MALSU1: variants seen among roughly 807,000 people sequenced by gnomAD.
MALSU1 encodes mitochondrial assembly of ribosomal large subunit protein 1.
Under a neutral mutation model 22.1 loss-of-function variants are expected in MALSU1, and 22 were observed. The observed-to-expected ratio is 1.00, with a 90% confidence interval of 0.71 to 1.42. The LOEUF is 1.42. Ranked by LOEUF, MALSU1 falls within the 40% of genes most tolerant of loss-of-function variation. The pLI, the probability that MALSU1 is intolerant of heterozygous loss-of-function variation, is 0.00. For missense variants in MALSU1, 379 were observed against 308.3 expected (o/e 1.23, Z -1.72); for synonymous variants, 153 against 118.5 (o/e 1.29, Z -1.89).
intron 3 of MALSU1, 104 bp downstream of exon 3, chr7:23,308,053 C>T: frequency 2.1e-6 from 2 of 941,564 alleles, no homozygotes; most frequent in South Asian, 1.4e-5. Context: ...AATGTATTTC[C>T]AGGTAAGATT....
At chr7:23,303,260 T>C (rs189136526) in intron 2 of MALSU1, among the ~76,000 whole-genome samples, 2 of 152,218 alleles carry the variant, frequency 1.3e-5, no homozygotes, top group Non-Finnish European at 2.9e-5. Context: ...TTGACTACTT[T>C]TCAGTATCTC....
In MALSU1 at chr7:23,310,869, A is replaced by G. The variant is rs1380723044; in HGVS notation, c.*1326A>G. On this transcript the variant is annotated 3_prime_UTR_variant, in exon 4 of 4. Transcript: ENST00000466681. ...GATCATCTTACAAACAAAACTCAAA[A>G]AATCAATTCAGAGAGCAGCGTGGCC... The G allele has an allele frequency of 6.6e-6, 1 of 152,130 alleles. No individual in the cohort carries two copies. Among genetic ancestry groups the G allele is most frequent in the African/African-American group, 2.4e-5 (1 of 41,398 alleles). 9.4% of individuals were successfully genotyped at this position (152,130 alleles called of 1,614,324 possible).
At position 23,311,475 on chromosome 7, in the gene MALSU1, G is replaced by A. The variant is rs1783827418; in HGVS notation, c.*1932G>A. The A allele has an allele frequency of 6.6e-6, 1 of 152,496 alleles. No individual in the cohort carries two copies. Among genetic ancestry groups the A allele is most frequent in the Admixed American group, 6.5e-5 (1 of 15,274 alleles). The allele number at this position is 152,496 out of a possible 1,614,324, so 9.4% of individuals were successfully genotyped here. On this transcript the variant is annotated 3_prime_UTR_variant, in exon 4 of 4. Transcript: ENST00000466681. ...TTCCAAAATCTCCTGCGACCACTTT[G>A]TTAGTACCGTCAAAAACTTTCCCAA...
chr7:23,299,658 T>TGAAGACTG, intron 1 of MALSU1, 50 bp downstream of exon 1: 1 of 1,524,734 alleles, frequency 6.6e-7, no homozygotes. Context: ...CAGTCTGGAG[T>TGAAGACTG]CAGGTCCCAG....
intron 2 of MALSU1, among the ~76,000 whole-genome samples, chr7:23,302,744 T>G (rs1783665043): frequency 6.6e-6 from 1 of 152,218 alleles, no homozygotes; most frequent in African/African-American, 2.4e-5. Context: ...GTTTTGTTGT[T>G]TGTGGTAAAA....
chr7:23,299,877 C>G (rs779447570), intron 1 of MALSU1, among the ~76,000 whole-genome samples: 17 of 152,186 alleles, frequency 1.1e-4, no homozygotes, highest in Non-Finnish European at 2.5e-4. Flanking sequence ...ACCGTCCTCA[C>G]TTCCTTTTAC....
chr7:23,299,692 C>CT (rs889043425), intron 1 of MALSU1, 84 bp downstream of exon 1: 9 of 1,426,482 alleles, frequency 6.3e-6, no homozygotes, highest in Non-Finnish European at 7.5e-6. Context: ...GGGTTCCCCT[C>CT]TATGTGCATT....
intron 2 of MALSU1, among the ~76,000 whole-genome samples, chr7:23,302,887 C>A (rs1306028407): frequency 6.6e-6 from 1 of 152,150 alleles, no homozygotes; most frequent in African/African-American, 2.4e-5. Flanking sequence ...AGTGATTCTC[C>A]GGCCTAAGCC....
intron 2 of MALSU1, among the ~76,000 whole-genome samples, chr7:23,305,125 C>G (rs139180277): frequency 1.3e-5 from 2 of 152,128 alleles, no homozygotes; most frequent in Admixed American, 1.3e-4. Context: ...TGGACATTTC[C>G]TCAGCAACGT....
chr7:23,303,699 A>G (rs191770359), intron 2 of MALSU1, among the ~76,000 whole-genome samples: 1 of 151,770 alleles, frequency 6.6e-6, no homozygotes, highest in Non-Finnish European at 1.5e-5. Context: ...AGTCCCAGCT[A>G]CTTGGAATGC....
At chr7:23,302,609 G>A (rs578030030) in intron 2 of MALSU1, among the ~76,000 whole-genome samples, 9 of 152,298 alleles carry the variant, frequency 5.9e-5, no homozygotes, top group East Asian at 3.9e-4. Flanking sequence ...AGAAGACTTA[G>A]TGACCATTGG....
chr7:23,309,495 A>G lies in MALSU1; in HGVS notation c.657A>G (p.Ile219Met). 2 of 1,612,130 alleles carry G rather than the reference A, an allele frequency of 1.2e-6. No homozygotes were observed. The highest frequency in any genetic ancestry group is 1.1e-5 in the South Asian group (1 of 90,666). The change falls in exon 4 of 4, where the codon ATA becomes ATG. Residue 219 changes from isoleucine to methionine, a missense_variant. Ile to Met is a conservative substitution (Grantham distance 10). Transcript: ENST00000466681. ...ETVPEDFILG[I>M]EDDTSSVTPV... ...TACCTGAAGACTTCATTCTTGGAAT[A>G]GAAGATGATACTTCATCTGTGACTC... is the stretch of plus-strand genomic sequence containing the variant.
intron 2 of MALSU1, among the ~76,000 whole-genome samples, chr7:23,305,393 A>ATTTT (rs571160861): frequency 9.9e-5 from 14 of 141,518 alleles, no homozygotes; most frequent in African/African-American, 3.4e-4. Context: ...AGTCCATATA[A>ATTTT]TTTTTTTTTT....
chr7:23,304,486 GAA>G (rs1243576023), intron 2 of MALSU1, among the ~76,000 whole-genome samples: 1 of 152,130 alleles, frequency 6.6e-6, no homozygotes, highest in African/African-American at 2.4e-5. Context: ...ATTCTTTGAA[GAA>G]AAGTCCTTTG....
At chr7:23,303,375 G>A (rs1178389036) in intron 2 of MALSU1, among the ~76,000 whole-genome samples, 1 of 152,126 alleles carries the variant, frequency 6.6e-6, no homozygotes, top group Non-Finnish European at 1.5e-5. Context: ...TCTTTCTTAA[G>A]GCTGAATAAT....
chr7:23,311,424 T>C lies in MALSU1; in HGVS notation c.*1881T>C, dbSNP rs778509001. The C allele has an allele frequency of 6.5e-6, 1 of 152,676 alleles. No individual in the cohort carries two copies. The highest frequency in any genetic ancestry group is 1.5e-5 in the Non-Finnish European group (1 of 68,016). 9.5% of individuals were successfully genotyped at this position (152,676 alleles called of 1,614,324 possible). ...CATGTAGCTAAACAAAAAACTGAAG[T>C]CTCCTGAAGCCATTTAAACCAGCCG... On this transcript the variant is annotated 3_prime_UTR_variant, in exon 4 of 4. Transcript: ENST00000466681.
chr7:23,299,686 T>TC, intron 1 of MALSU1, 78 bp downstream of exon 1: 1 of 1,458,982 alleles, frequency 6.9e-7, no homozygotes, highest in South Asian at 1.3e-5. Context: ...GGCTCTGGGT[T>TC]CCCCTCTATG....
In MALSU1 at chr7:23,310,927, G is replaced by A. The variant is rs572738581; in HGVS notation, c.*1384G>A. 3 of 152,104 alleles carry A rather than the reference G, an allele frequency of 2.0e-5. No individual in the cohort carries two copies. Among genetic ancestry groups the A allele is most frequent in the Non-Finnish European group, 2.9e-5 (2 of 68,010 alleles). The allele number at this position is 152,104 out of a possible 1,614,324, so 9.4% of individuals were successfully genotyped here. Reference sequence around the variant, plus strand: ...CCACCCACACCCAACACAATTGTACGTACTGGGCTTTGCTGTCAAGGAGTG... The same window carrying A: ...CCACCCACACCCAACACAATTGTACATACTGGGCTTTGCTGTCAAGGAGTG... On this transcript the variant is annotated 3_prime_UTR_variant, in exon 4 of 4. Coordinates refer to ENST00000466681, the MANE Select transcript of MALSU1 (RefSeq NM_138446.2).
At chr7:23,299,713 T>G (rs993230058) in intron 1 of MALSU1, 105 bp downstream of exon 1, 3 of 1,288,206 alleles carry the variant, frequency 2.3e-6, no homozygotes, top group Admixed American at 5.5e-5. Context: ...TCTCTTGGAG[T>G]CACAAAACTC....
Sources: allele counts gnomAD v4.1 joint callset (sites outside exome capture counted in the v4.1 genomes callset), GRCh38; gene constraint gnomAD v4.1.1; transcripts MANE v1.5; gene names NCBI Gene and HGNC (gene_info 2026-07-23, HGNC 2026-07-21).